The following SHPRH variants were observed in gnomAD, a reference collection of about 807,000 sequenced individuals.
SHPRH encodes the protein E3 ubiquitin-protein ligase SHPRH.
Under a neutral mutation model 202.5 loss-of-function variants are expected in SHPRH, and 106 were observed. That is an observed-to-expected ratio of 0.52 (90% confidence interval 0.45 to 0.62). The LOEUF is 0.62. Ranked by LOEUF, SHPRH falls within the 20% of genes least tolerant of loss-of-function variation. SHPRH has a pLI of 0.00. For synonymous variants in SHPRH, 729 were observed against 686.0 expected (o/e 1.06, Z -0.98); for missense variants, 1,710 against 2,020.0 (o/e 0.85, Z 2.94).
intron 9 of SHPRH, 148 bp downstream of exon 9, chr6:145,942,994 AT>A (rs1230547275): frequency 2.2e-6 from 2 of 902,334 alleles, no homozygotes; most frequent in Non-Finnish European, 1.6e-6. Flanking sequence ...CTTAGTCTCA[AT>A]TTTTTTCTTT....
chr6:145,946,244 A>C lies in SHPRH; in HGVS notation c.1310T>G (p.Val437Gly). The C allele has an allele frequency of 1.2e-6, 2 of 1,607,960 alleles. No homozygotes were observed. Among genetic ancestry groups the C allele is most frequent in the Non-Finnish European group, 1.7e-6 (2 of 1,177,098 alleles). The change falls in exon 7 of 30, where the codon GTT (valine) becomes GGT (glycine). Residue 437 changes from valine (V) to glycine (G), a missense_variant. Coordinates refer to ENST00000275233, the MANE Select transcript of SHPRH (RefSeq NM_001042683.3). ...GATGTCTTACTTACGAGGGCATTGAACTTTTTCTTTTGGTTCAAATTCGAT... is the reference window on the plus strand; with the variant it reads ...GATGTCTTACTTACGAGGGCATTGACCTTTTTCTTTTGGTTCAAATTCGAT... ...QNIEFEPKEK[V>G]QCPPTRVMIL...
intron 2 of SHPRH, among the ~76,000 whole-genome samples, chr6:145,873,492 G>C (rs1780148895): frequency 6.6e-6 from 1 of 152,132 alleles, no homozygotes. Flanking sequence ...TACAGGAGAA[G>C]ACTTTACTGG....
intron 25 of SHPRH, among the ~76,000 whole-genome samples, chr6:145,896,003 AAAG>A (rs1489521749): frequency 6.6e-6 from 1 of 152,016 alleles, no homozygotes. Flanking sequence ...ATTTAACCAA[AAAG>A]AAGGAAAAAT....
chr6:145,867,631 T>TATATACAG (rs1554220329), intron 2 of SHPRH, among the ~76,000 whole-genome samples: 1 of 22,316 alleles, frequency 4.5e-5, no homozygotes, highest in South Asian at 2.1e-3. Flanking sequence ...TATATATATA[T>TATATACAG]AGAGAGAGAG....
intron 16 of SHPRH, among the ~76,000 whole-genome samples, chr6:145,925,482 T>TTAAAATAG (rs1288769870): frequency 1.8e-4 from 28 of 151,772 alleles, no homozygotes; most frequent in Non-Finnish European, 4.0e-4. Context: ...TTTTTGTTAA[T>TTAAAATAG]TAAAATAGTT....
In SHPRH at chr6:145,894,416, G is replaced by GT. The variant is rs1237649904; in HGVS notation, c.4609-181dup. Among the ~76,000 whole-genome samples the GT allele has an allele frequency of 5.0e-4, 56 of 111,442 alleles. 1 individual carries two copies. The highest frequency in any genetic ancestry group is 9.0e-4 in the South Asian group (3 of 3,320). The allele number at this position is 111,442 out of a possible 152,430, so 73.1% of individuals were successfully genotyped here. ...TAGCTCTATCTGAAATAGTAATTTT[G>GT]TTTGTTTTTTTTTTTTTGCATCAAA... On this transcript the variant is annotated intron_variant, in intron 26 of 29. Transcript: ENST00000275233.
At chr6:145,939,589 C>T (rs1044740866) in intron 11 of SHPRH, among the ~76,000 whole-genome samples, 1 of 152,126 alleles carries the variant, frequency 6.6e-6, no homozygotes, top group African/African-American at 2.4e-5. Flanking sequence ...TGTACCCTCT[C>T]AGCTAACTTT....
chr6:145,950,876 T>C (rs1787908029), intron 3 of SHPRH, among the ~76,000 whole-genome samples: 1 of 152,050 alleles, frequency 6.6e-6, no homozygotes, highest in African/African-American at 2.4e-5. Flanking sequence ...ACACGTGTAT[T>C]GTCTATTGTG....
chr6:145,864,877 C>G (rs1779701340), intron 2 of SHPRH, among the ~76,000 whole-genome samples: 1 of 150,684 alleles, frequency 6.6e-6, no homozygotes, highest in Non-Finnish European at 1.5e-5. Context: ...TCATTTTTTG[C>G]TAATGTTCTT....
At chr6:145,918,427 A>T in intron 22 of SHPRH, 195 bp from the exon 23 acceptor site, 1 of 361,506 alleles carries the variant, frequency 2.8e-6, no homozygotes, top group East Asian at 4.6e-5. Flanking sequence ...GCTTTATGAA[A>T]GGCACAATTC....
At chr6:145,911,071 A>C (rs533541388) in intron 24 of SHPRH, among the ~76,000 whole-genome samples, 1 of 152,278 alleles carries the variant, frequency 6.6e-6, no homozygotes, top group South Asian at 2.1e-4. Flanking sequence ...ATAGTATCTC[A>C]AATTTATTTT....
intron 28 of SHPRH, among the ~76,000 whole-genome samples, chr6:145,891,218 C>T (rs1484383932): frequency 1.3e-5 from 2 of 152,146 alleles, no homozygotes; most frequent in Non-Finnish European, 2.9e-5. Context: ...TCAACTCCTG[C>T]TTCTCTCCCT....
chr6:145,915,256 T>G (rs986145323), intron 23 of SHPRH, among the ~76,000 whole-genome samples: 4 of 150,712 alleles, frequency 2.7e-5, no homozygotes, highest in South Asian at 2.1e-4. Context: ...TCTGCTTACC[T>G]CTTTCCTTTG....
intron 25 of SHPRH, chr6:145,905,265 T>C (rs1782858711): frequency 6.6e-6 from 1 of 152,150 alleles, no homozygotes; most frequent in Non-Finnish European, 1.5e-5. Flanking sequence ...AGACTATCTT[T>C]ATGGAAAGGA....
intron 25 of SHPRH, chr6:145,908,394 G>A (rs1040086744): frequency 6.6e-6 from 1 of 152,038 alleles, no homozygotes; most frequent in African/African-American, 2.4e-5. Context: ...GTGTAAAAAC[G>A]TTCCTATTTC....
In SHPRH at chr6:145,943,664, G is replaced by C. The variant is rs541246799; in HGVS notation, c.1717C>G (p.Arg573Gly). The C allele has an allele frequency of 6.2e-7, 1 of 1,613,574 alleles. No homozygotes were observed. The highest frequency in any genetic ancestry group is 8.5e-7 in the Non-Finnish European group (1 of 1,179,878). The change falls in exon 9 of 30, where the codon CGC becomes GGC. Residue 573 changes from arginine to glycine, a missense_variant. Physicochemically the swap from Arg to Gly is moderately radical, Grantham distance 125. This residue lies in a region of SHPRH where 348 missense variants were observed against 356.9 expected (regional missense o/e 0.97). Coordinates refer to ENST00000275233, the MANE Select transcript of SHPRH (RefSeq NM_001042683.3). ...ACAAGCTTTTTCCTCAATTTACTGC[G>C]ATTTCTCCTGGACTTATAATAATAA... ...YYYYYKSRRNRSKLRKKLVPS... is the reference protein window; with the variant it reads ...YYYYYKSRRNGSKLRKKLVPS...
chr6:145,911,198 G>C (rs1783461461), intron 24 of SHPRH, among the ~76,000 whole-genome samples: 1 of 152,006 alleles, frequency 6.6e-6, no homozygotes, highest in African/African-American at 2.4e-5. Context: ...ATGCGGTCTT[G>C]GCTCACTGCA....
chr6:145,893,462 C>A, intron 27 of SHPRH, 69 bp from the exon 28 acceptor site: 1 of 1,372,026 alleles, frequency 7.3e-7, no homozygotes. Context: ...TAATAGCTCA[C>A]TTTAAAGATG....
At chr6:145,900,490 G>A (rs1033803929) in intron 25 of SHPRH, among the ~76,000 whole-genome samples, 1 of 152,106 alleles carries the variant, frequency 6.6e-6, no homozygotes, top group Admixed American at 6.6e-5. Context: ...GCGGTTACCA[G>A]AGGCTGGAGT....
Sources: allele counts gnomAD v4.1 joint callset (sites outside exome capture counted in the v4.1 genomes callset), GRCh38; gene constraint gnomAD v4.1.1; regional missense constraint gnomAD v4.1.1; transcripts MANE v1.5; gene names NCBI Gene and HGNC (gene_info 2026-07-23, HGNC 2026-07-21).